GTF2IRD2B: variants seen among roughly 807,000 people sequenced by gnomAD.
GTF2IRD2B encodes the protein general transcription factor II-I repeat domain-containing protein 2B.
In GTF2IRD2B, 10 loss-of-function variants were observed where a neutral mutation model predicts 55.6. That is an observed-to-expected ratio of 0.18 (90% confidence interval 0.11 to 0.31). GTF2IRD2B has a LOEUF of 0.31. GTF2IRD2B is among the 10% of genes least tolerant of loss of function. GTF2IRD2B has a pLI of 1.00. For synonymous variants in GTF2IRD2B, 107 were observed against 320.5 expected, an observed-to-expected ratio of 0.33 and a Z score of 7.12; for missense variants, 206 against 802.7, an observed-to-expected ratio of 0.26 and a Z score of 8.98.
rs1350545591 is a variant in GTF2IRD2B at position 75,092,654 on chromosome 7, C to T, written c.-117C>T. On this transcript the variant is annotated 5_prime_UTR_variant, in exon 1 of 16. Coordinates refer to ENST00000472837, the MANE Select transcript of GTF2IRD2B (RefSeq NM_001003795.3). ...CGGCCGCCACCCACACGCCCCGAAG[C>T]GTGCTCGTCCCCCGCGCGGGGCTCC... 1 of 153,488 alleles carries T rather than the reference C, an allele frequency of 6.5e-6. No individual in the cohort carries two copies. The highest frequency in any genetic ancestry group is 2.4e-5 in the African/African-American group (1 of 41,492). 9.5% of individuals were successfully genotyped at this position (153,488 alleles called of 1,614,324 possible). A position where few individuals can be genotyped will look rare whatever the true frequency, so the allele number is the denominator to read the frequency against.
At chr7:75,132,911 C>T (rs1228397012) in intron 8 of GTF2IRD2B, among the ~76,000 whole-genome samples, 2 of 143,972 alleles carry the variant, frequency 1.4e-5, no homozygotes, top group African/African-American at 2.8e-5. Flanking sequence ...TTTATATAAA[C>T]ATACATAAAT....
intron 8 of GTF2IRD2B, among the ~76,000 whole-genome samples, chr7:75,126,996 C>CA (rs1177255422): frequency 1.3e-3 from 102 of 76,186 alleles, no homozygotes; most frequent in East Asian, 4.7e-3. Context: ...GATTCTGTGT[C>CA]AAAAAAAAAC....
chr7:75,109,376 C>T (rs1807895208), intron 2 of GTF2IRD2B, among the ~76,000 whole-genome samples: 1 of 145,944 alleles, frequency 6.9e-6, no homozygotes. Flanking sequence ...TCTTGCTCTG[C>T]TGCCCAGGCT....
intron 3 of GTF2IRD2B, among the ~76,000 whole-genome samples, chr7:75,118,514 C>T (rs1332204103): frequency 2.0e-5 from 3 of 151,500 alleles, no homozygotes; most frequent in Non-Finnish European, 4.4e-5. Flanking sequence ...CCTGCCTTAG[C>T]CCAGCAGTTA....
intron 1 of GTF2IRD2B, among the ~76,000 whole-genome samples, chr7:75,106,269 G>A (rs1230512787): frequency 6.6e-6 from 1 of 152,294 alleles, no homozygotes; most frequent in Non-Finnish European, 1.5e-5. Context: ...CGAGCATGGT[G>A]GCGCCTGCCT....
intron 1 of GTF2IRD2B, among the ~76,000 whole-genome samples, chr7:75,105,680 G>A (rs1176576716): frequency 0.015 from 2,249 of 151,614 alleles, no homozygotes; most frequent in African/African-American, 0.051. Flanking sequence ...AGGGATCCTC[G>A]AGTGTCTTCA....
chr7:75,148,201 C>A lies in GTF2IRD2B; in HGVS notation c.1754C>A (p.Pro585His). ...DVSEELLDTVPMTGTKSGNEI... is the reference protein window; with the variant it reads ...DVSEELLDTVHMTGTKSGNEI... Reference sequence around the variant, plus strand: ...TCCGAAGAACTTCTGGACACGGTGCCCATGACGGGTACAAAATCTGGCAAC... The same window carrying A: ...TCCGAAGAACTTCTGGACACGGTGCACATGACGGGTACAAAATCTGGCAAC... The change falls in exon 16 of 16, where the codon CCC becomes CAC. Residue 585 changes from proline to histidine, a missense_variant. Coordinates refer to ENST00000472837, the MANE Select transcript of GTF2IRD2B (RefSeq NM_001003795.3). 6.2e-7 allele frequency: 1 copy of A among 1,613,788 alleles called. No individual in the cohort carries two copies. The highest frequency in any genetic ancestry group is 8.5e-7 in the Non-Finnish European group (1 of 1,179,842).
rs1327743794 is a variant in GTF2IRD2B at position 75,127,024 on chromosome 7, C to CAAAAA, written c.670+643_670+647dup. On this transcript the variant is annotated intron_variant, in intron 8 of 15. Coordinates refer to ENST00000472837, the MANE Select transcript of GTF2IRD2B (RefSeq NM_001003795.3). ...AAAAAAACAAAAACAAAAACAAAAA[C>CAAAAA]AAAAAAAACAAAAAAAAGAACCAAG... 3.2e-4 allele frequency among the ~76,000 whole-genome samples: 24 copies of CAAAAA among 74,612 alleles called. 1 individual carries two copies. The highest frequency in any genetic ancestry group is 2.2e-3 in the East Asian group (1 of 454). 48.9% of individuals were successfully genotyped at this position (74,612 alleles called of 152,430 possible).
chr7:75,121,307 T>C (rs1368359424), intron 4 of GTF2IRD2B, among the ~76,000 whole-genome samples: 2 of 150,732 alleles, frequency 1.3e-5, no homozygotes, highest in African/African-American at 2.4e-5. Flanking sequence ...AATGCTGGGA[T>C]TATAGGCGTG....
chr7:75,122,295 G>A (rs1381402339), intron 4 of GTF2IRD2B, among the ~76,000 whole-genome samples: 2 of 141,600 alleles, frequency 1.4e-5, no homozygotes, highest in African/African-American at 3.0e-5. Flanking sequence ...CATGAAGATG[G>A]GAATTTAAAA....
intron 3 of GTF2IRD2B, among the ~76,000 whole-genome samples, chr7:75,117,842 G>A (rs1207664280): frequency 1.3e-5 from 2 of 152,278 alleles, no homozygotes; most frequent in African/African-American, 2.4e-5. Context: ...CAGCACTCTG[G>A]TAGGCTGAGG....
At position 75,148,170 on chromosome 7, in the gene GTF2IRD2B, G is replaced by A. The variant is rs1554532833; in HGVS notation, c.1723G>A (p.Asp575Asn). 1 of 1,613,624 alleles carries A rather than the reference G, an allele frequency of 6.2e-7. No homozygotes were observed. The highest frequency in any genetic ancestry group is 8.5e-7 in the Non-Finnish European group (1 of 1,179,790). Residue 575 changes from aspartate (D) to asparagine (N), a missense_variant, in exon 16 of 16, where the codon GAT becomes AAT. Coordinates refer to ENST00000472837, the MANE Select transcript of GTF2IRD2B (RefSeq NM_001003795.3). Reference protein sequence around the residue: ...IFIRGVDENFDVSEELLDTVP... With the variant: ...IFIRGVDENFNVSEELLDTVP... ...CATCCGTGGTGTCGATGAGAATTTCGATGTGTCCGAAGAACTTCTGGACAC... is the reference window on the plus strand; with the variant it reads ...CATCCGTGGTGTCGATGAGAATTTCAATGTGTCCGAAGAACTTCTGGACAC...
At chr7:75,120,009 G>A (rs1285033765) in intron 3 of GTF2IRD2B, among the ~76,000 whole-genome samples, 1 of 128,374 alleles carries the variant, frequency 7.8e-6, no homozygotes, top group Admixed American at 7.5e-5. Context: ...GGCACCTGTA[G>A]TCCCAGCTAC....
chr7:75,147,413 A>G (rs1244866958), intron 15 of GTF2IRD2B, among the ~76,000 whole-genome samples: 1 of 151,988 alleles, frequency 6.6e-6, no homozygotes, highest in Non-Finnish European at 1.5e-5. Flanking sequence ...AGCCTGGGCG[A>G]CAGAGCAAAA....
chr7:75,104,153 T>TGC (rs1807683702), intron 1 of GTF2IRD2B, among the ~76,000 whole-genome samples: 1 of 133,514 alleles, frequency 7.5e-6, no homozygotes, highest in Non-Finnish European at 1.6e-5. Flanking sequence ...GATGGAATCT[T>TGC]ACTCTGTTGC....
intron 10 of GTF2IRD2B, among the ~76,000 whole-genome samples, chr7:75,136,247 T>G (rs1196861377): frequency 9.4e-4 from 132 of 140,860 alleles, no homozygotes; most frequent in Non-Finnish European, 1.1e-3. Flanking sequence ...CTTTTAGTTG[T>G]ATATATCTGC....
intron 10 of GTF2IRD2B, among the ~76,000 whole-genome samples, chr7:75,135,883 G>A (rs1416828218): frequency 2.9e-5 from 1 of 34,926 alleles, no homozygotes; most frequent in Non-Finnish European, 5.0e-5. Flanking sequence ...GCTTATGCCT[G>A]TAATCTCAGC....
intron 1 of GTF2IRD2B, among the ~76,000 whole-genome samples, chr7:75,105,274 C>G (rs1296564971): frequency 3.3e-5 from 5 of 152,418 alleles, no homozygotes; most frequent in African/African-American, 9.6e-5. Flanking sequence ...GAGGCCGAGG[C>G]GGGCGGATCA....
intron 2 of GTF2IRD2B, among the ~76,000 whole-genome samples, chr7:75,109,329 A>G (rs1179190305): frequency 7.0e-6 from 1 of 142,936 alleles, no homozygotes; most frequent in Non-Finnish European, 1.5e-5. Context: ...ACCAGCCACC[A>G]CATCCAGCTA....
Sources: gnomAD v4.1 joint callset for allele counts (sites outside exome capture counted in the v4.1 genomes callset) on GRCh38, gnomAD v4.1.1 for gene constraint, MANE v1.5 for transcripts, NCBI Gene and HGNC (gene_info 2026-07-23, HGNC 2026-07-21) for gene names.